Variants in SCRT2 observed in about 807,000 individuals in gnomAD.
SCRT2 encodes the protein scratch family transcriptional repressor 2, also known as transcriptional repressor scratch 2.
In SCRT2, 2 loss-of-function variants were observed where a neutral mutation model predicts 3.7. The ratio of observed to expected loss-of-function variants is 0.54; its 90% CI spans 0.22 to 1.70. SCRT2 has a LOEUF of 1.70. SCRT2 is among the 40% of genes most tolerant of loss of function. The probability of loss-of-function intolerance (pLI) is 0.19; values close to 1 mark genes in which losing one functional copy is unlikely to be tolerated. For synonymous variants in SCRT2, 256 were observed against 220.6 expected, an observed-to-expected ratio of 1.16 and a Z score of -1.42; for missense variants, 456 against 468.5, an observed-to-expected ratio of 0.97 and a Z score of 0.25.
intron 1 of SCRT2, among the ~76,000 whole-genome samples, chr20:672,153 G>A (rs1018542042): frequency 4.6e-5 from 7 of 152,136 alleles, no homozygotes; most frequent in South Asian, 2.1e-4. Context: ...GGAAAGCAGT[G>A]GAGGAGCAAG....
At chr20:671,417 C>T (rs766607521) in intron 1 of SCRT2, among the ~76,000 whole-genome samples, 2 of 152,180 alleles carry the variant, frequency 1.3e-5, no homozygotes, top group Non-Finnish European at 2.9e-5. Context: ...GGCCAAGTTA[C>T]CAGGGAAAGG....
rs61589065 is a variant in SCRT2, at chr20:675,763, T to TGGC, written c.-165_-163dup. The stretch of plus-strand genomic sequence containing the variant: ...GGCGGCCCCGGCTCGGGCTCGGGCT[T>TGGC]GGCGGCGGCGGCGCGCAGACAGGGG... On this transcript the variant is annotated 5_prime_UTR_variant, in exon 1 of 2. Coordinates refer to ENST00000246104, the MANE Select transcript of SCRT2 (RefSeq NM_033129.4). The surrounding 1 kb of genome is among the most constrained non-coding windows in gnomAD (Gnocchi z 6.9). The TGGC allele has an allele frequency of 0.23, 60,095 of 262,758 alleles. 8,772 individuals carry two copies. The highest frequency in any genetic ancestry group is 0.5 in the South Asian group (3,339 of 6,638). The allele number at this position is 262,758 out of a possible 1,614,324, so 16.3% of individuals were successfully genotyped here. A position where few individuals can be genotyped will look rare whatever the true frequency, so the allele number is the denominator to read the frequency against.
chr20:674,417 A>ATTT (rs1984451335), intron 1 of SCRT2, among the ~76,000 whole-genome samples: 1 of 138,540 alleles, frequency 7.2e-6, no homozygotes, highest in Non-Finnish European at 1.6e-5. Context: ...ACACACACAC[A>ATTT]CACACACACA....
intron 1 of SCRT2, among the ~76,000 whole-genome samples, chr20:673,813 A>C (rs1451669294): frequency 6.6e-6 from 1 of 152,202 alleles, no homozygotes; most frequent in East Asian, 1.9e-4. Context: ...GACAGGACCA[A>C]CGGGGCTTCA....
Position 664,587 on chromosome 20 carries a change from C to T in SCRT2, c.134-126G>A. ...GTGGCAGCTCCGACAGTGGTGGTCT[C>T]CGACCTGCACCTCAGCTCTTCCTGT... On this transcript the variant is annotated intron_variant, in intron 1 of 1. Coordinates refer to ENST00000246104, the MANE Select transcript of SCRT2 (RefSeq NM_033129.4). The surrounding 1 kb of genome is among the most constrained non-coding windows in gnomAD (Gnocchi z 7.9). 1 of 568,276 alleles carries T rather than the reference C, an allele frequency of 1.8e-6. No homozygotes were observed. The highest frequency in any genetic ancestry group is 2.6e-6 in the Non-Finnish European group (1 of 380,688). 35.2% of individuals were successfully genotyped at this position (568,276 alleles called of 1,614,324 possible). A position where few individuals can be genotyped will look rare whatever the true frequency, so the allele number is the denominator to read the frequency against.
In SCRT2 at chr20:675,494, G is replaced by A. The variant is rs1984503991; in HGVS notation, c.108C>T (p.Gly36=). The stretch of plus-strand genomic sequence containing the variant: ...CGTTGTCCCCGGGAGGCCCCCGGGC[G>A]CCAGGCAGCACGTAGGCTGTCTCCA... ...HPLETAYVLP[G]ARGPPGDNGY... The change falls in exon 1 of 2, where the codon GGC becomes GGT. Residue 36 remains glycine (G), a synonymous_variant. Transcript: ENST00000246104. This position sits in a 1 kb window ranked among gnomAD's most constrained non-coding sequence, Gnocchi z 6.9. 1.5e-6 allele frequency: 2 copies of A among 1,368,610 alleles called. No individual in the cohort carries two copies. The highest frequency in any genetic ancestry group is 4.0e-5 in the South Asian group (2 of 49,772). The allele number at this position is 1,368,610 out of a possible 1,614,324, so 84.8% of individuals were successfully genotyped here.
intron 1 of SCRT2, among the ~76,000 whole-genome samples, chr20:669,517 T>C (rs1984264483): frequency 6.6e-6 from 1 of 152,180 alleles, no homozygotes; most frequent in African/African-American, 2.4e-5. Flanking sequence ...GCCTCACCTC[T>C]CTGTCCTAAA....
Position 661,666 on chromosome 20 carries a change from T to A in SCRT2, c.*2005A>T, listed in dbSNP as rs1038740197. 6.6e-6 allele frequency: 1 copy of A among 152,512 alleles called. No individual in the cohort carries two copies. The highest frequency in any genetic ancestry group is 1.5e-5 in the Non-Finnish European group (1 of 68,042). 9.4% of individuals were successfully genotyped at this position (152,512 alleles called of 1,614,324 possible). A position where few individuals can be genotyped will look rare whatever the true frequency, so the allele number is the denominator to read the frequency against. On this transcript the variant is annotated 3_prime_UTR_variant, in exon 2 of 2. Coordinates refer to ENST00000246104, the MANE Select transcript of SCRT2 (RefSeq NM_033129.4). ...AATACTGCTGGAGGTGGGGAAGGGA[T>A]GGGGGTTTGGGGGTGAGTTGGGATA...
rs1013074354 is a variant in SCRT2, at chr20:675,455, C to T, written c.133+14G>A. 3 of 1,311,890 alleles carry T rather than the reference C, an allele frequency of 2.3e-6. No homozygotes were observed. The highest frequency in any genetic ancestry group is 2.9e-6 in the Non-Finnish European group (3 of 1,022,482). The allele number at this position is 1,311,890 out of a possible 1,614,324, so 81.3% of individuals were successfully genotyped here. A position where few individuals can be genotyped will look rare whatever the true frequency, so the allele number is the denominator to read the frequency against. On this transcript the variant is annotated intron_variant, in intron 1 of 1. Coordinates refer to ENST00000246104, the MANE Select transcript of SCRT2 (RefSeq NM_033129.4). The surrounding 1 kb of genome is among the most constrained non-coding windows in gnomAD (Gnocchi z 6.9). ...TCTTCTCCCAACCCCCCGCCCCCGC[C>T]GGGTCCCACTCACCGTTGTCCCCGG... is the stretch of plus-strand genomic sequence containing the variant.
In SCRT2 at chr20:675,447, G is replaced by T. The variant is rs1378165328; in HGVS notation, c.133+22C>A. ...CCCTCGCCTCTTCTCCCAACCCCCC[G>T]CCCCCGCCGGGTCCCACTCACCGTT... On this transcript the variant is annotated intron_variant, in intron 1 of 1. Transcript: ENST00000246104. This position sits in a 1 kb window ranked among gnomAD's most constrained non-coding sequence, Gnocchi z 6.9. 3.9e-6 allele frequency: 5 copies of T among 1,282,400 alleles called. No individual in the cohort carries two copies. The highest frequency in any genetic ancestry group is 5.0e-6 in the Non-Finnish European group (5 of 1,002,524). The allele number at this position is 1,282,400 out of a possible 1,614,324, so 79.4% of individuals were successfully genotyped here.
chr20:664,112 G>A lies in SCRT2; in HGVS notation c.483C>T (p.Gly161=). Residue 161 remains glycine (G), a synonymous_variant, in exon 2 of 2, where the codon GGC becomes GGT. Coordinates refer to ENST00000246104, the MANE Select transcript of SCRT2 (RefSeq NM_033129.4). This position sits in a 1 kb window ranked among gnomAD's most constrained non-coding sequence, Gnocchi z 7.9. The part of the protein sequence containing the change: ...GGHRHACAEC[G]KTYATSSNLS... ...GGTTCGACGACGTGGCGTAGGTCTT[G>A]CCGCACTCGGCGCACGCGTGCCGGT... is the stretch of plus-strand genomic sequence containing the variant. 1 of 1,596,892 alleles carries A rather than the reference G, an allele frequency of 6.3e-7. No homozygotes were observed. The highest frequency in any genetic ancestry group is 8.5e-7 in the Non-Finnish European group (1 of 1,175,158).
rs925073977 is a variant in SCRT2 at position 664,485 on chromosome 20, G to A, written c.134-24C>T. 8.1e-7 allele frequency: 1 copy of A among 1,228,170 alleles called. No homozygotes were observed. The highest frequency in any genetic ancestry group is 3.6e-5 in the South Asian group (1 of 28,134). The allele number at this position is 1,228,170 out of a possible 1,614,324, so 76.1% of individuals were successfully genotyped here. A position where few individuals can be genotyped will look rare whatever the true frequency, so the allele number is the denominator to read the frequency against. On this transcript the variant is annotated intron_variant, in intron 1 of 1. Coordinates refer to ENST00000246104, the MANE Select transcript of SCRT2 (RefSeq NM_033129.4). This position sits in a 1 kb window ranked among gnomAD's most constrained non-coding sequence, Gnocchi z 7.9. ...CCCTGGAGGGGGCGAGAAGTGGAGG[G>A]GCGGTGAGAGGAGGCGCCGAAGAGG...
rs1008536895 is a variant in SCRT2 at position 675,003 on chromosome 20, G to T, written c.133+466C>A. 7.2e-5 allele frequency among the ~76,000 whole-genome samples: 11 copies of T among 152,000 alleles called. No individual in the cohort carries two copies. Among genetic ancestry groups the T allele is most frequent in the Admixed American group, 4.6e-4 (7 of 15,262 alleles). ...GAGCAGGTTTGAAGGGAGGGAGGGCGCCCCCAGCCACCCCCAGGGAACCAA... is the reference window on the plus strand; with the variant it reads ...GAGCAGGTTTGAAGGGAGGGAGGGCTCCCCCAGCCACCCCCAGGGAACCAA... On this transcript the variant is annotated intron_variant, in intron 1 of 1. Transcript: ENST00000246104. This position sits in a 1 kb window ranked among gnomAD's most constrained non-coding sequence, Gnocchi z 6.9.
In SCRT2 at chr20:664,455, G is replaced by T; in HGVS notation, c.140C>A (p.Ala47Asp). 1 of 1,265,598 alleles carries T rather than the reference G, an allele frequency of 7.9e-7. No homozygotes were observed. Among genetic ancestry groups the T allele is most frequent in the East Asian group, 3.1e-5 (1 of 32,260 alleles). The allele number at this position is 1,265,598 out of a possible 1,614,324, so 78.4% of individuals were successfully genotyped here. ...ARGPPGDNGY[A>D]PHRLPPSSYD... ...GCTGCTCGGGGGCAGGCGGTGCGGG[G>T]CGTACCCTGGAGGGGGCGAGAAGTG... Residue 47 changes from alanine (A) to aspartate (D), a missense_variant, in exon 2 of 2, where the codon GCC becomes GAC. Transcript: ENST00000246104. The surrounding 1 kb of genome is among the most constrained non-coding windows in gnomAD (Gnocchi z 7.9).
rs1446226131 is a variant in SCRT2 at position 663,930 on chromosome 20, G to C, written c.665C>G (p.Ser222Trp). 1 of 1,608,584 alleles carries C rather than the reference G, an allele frequency of 6.2e-7. No individual in the cohort carries two copies. The highest frequency in any genetic ancestry group is 1.7e-5 in the Admixed American group (1 of 59,890). Residue 222 changes from serine to tryptophan, a missense_variant, in exon 2 of 2, where the codon TCG (serine) becomes TGG (tryptophan). Physicochemically the swap from Ser to Trp is radical, Grantham distance 177 (BLOSUM62 -3). Coordinates refer to ENST00000246104, the MANE Select transcript of SCRT2 (RefSeq NM_033129.4). This position sits in a 1 kb window ranked among gnomAD's most constrained non-coding sequence, Gnocchi z 6.9. ...HKCGVCGKAF[S>W]RPWLLQGHMR... ...GTGACCCTGCAGCAGCCAGGGCCGC[G>C]AGAAGGCCTTGCCGCAGACGCCGCA...
rs527435814 is a variant in SCRT2, at chr20:666,176, G to A, written c.134-1715C>T. Among the ~76,000 whole-genome samples the A allele has an allele frequency of 7.9e-5, 12 of 152,258 alleles. No individual in the cohort carries two copies. The highest frequency in any genetic ancestry group is 2.9e-4 in the African/African-American group (12 of 41,548). ...GAAGCGGGGGGCTCTGTGGTTGGATGTAAAGGGGGATAGTGATAGTGGCAA... is the reference window on the plus strand; with the variant it reads ...GAAGCGGGGGGCTCTGTGGTTGGATATAAAGGGGGATAGTGATAGTGGCAA... On this transcript the variant is annotated intron_variant, in intron 1 of 1. Transcript: ENST00000246104. The surrounding 1 kb of genome is among the most constrained non-coding windows in gnomAD (Gnocchi z 4.4).
In SCRT2 at chr20:664,589, G is replaced by GACCTGC. The variant is rs1280948499; in HGVS notation, c.134-134_134-129dup. On this transcript the variant is annotated intron_variant, in intron 1 of 1. Transcript: ENST00000246104. This position sits in a 1 kb window ranked among gnomAD's most constrained non-coding sequence, Gnocchi z 7.9. ...GGCAGCTCCGACAGTGGTGGTCTCCGACCTGCACCTCAGCTCTTCCTGTCA... is the reference window on the plus strand; with the variant it reads ...GGCAGCTCCGACAGTGGTGGTCTCCGACCTGCACCTGCACCTCAGCTCTTCCTGTCA... 5.3e-6 allele frequency: 3 copies of GACCTGC among 571,002 alleles called. No homozygotes were observed. The highest frequency in any genetic ancestry group is 1.9e-5 in the African/African-American group (1 of 51,866). The allele number at this position is 571,002 out of a possible 1,614,324, so 35.4% of individuals were successfully genotyped here. A position where few individuals can be genotyped will look rare whatever the true frequency, so the allele number is the denominator to read the frequency against.
chr20:664,437 G>C lies in SCRT2; in HGVS notation c.158C>G (p.Pro53Arg), dbSNP rs746037825. The C allele has an allele frequency of 7.8e-5, 100 of 1,288,912 alleles. 2 individuals carry two copies. The South Asian group carries it at 1.8e-3, about 23-fold the overall frequency. 79.8% of individuals were successfully genotyped at this position (1,288,912 alleles called of 1,614,324 possible). The change falls in exon 2 of 2, where the codon CCG becomes CGG. Residue 53 changes from proline to arginine, a missense_variant. Around this residue, in one of 3 missense-constraint regions of SCRT2, gnomAD observed 306 missense variants for 305.3 expected, o/e 1.00. Transcript: ENST00000246104. This position sits in a 1 kb window ranked among gnomAD's most constrained non-coding sequence, Gnocchi z 7.9. ...DNGYAPHRLP[P>R]SSYDADQKPG... Reference sequence around the variant, plus strand: ...CTTCTGGTCCGCATCGTAGCTGCTCGGGGGCAGGCGGTGCGGGGCGTACCC... The same window carrying C: ...CTTCTGGTCCGCATCGTAGCTGCTCCGGGGCAGGCGGTGCGGGGCGTACCC...
intron 1 of SCRT2, among the ~76,000 whole-genome samples, chr20:668,562 C>A (rs1984230050): frequency 6.6e-6 from 1 of 152,156 alleles, no homozygotes; most frequent in Admixed American, 6.5e-5. Context: ...AGTCGCATAA[C>A]TTATCTGGGC....
Sources: gnomAD v4.1 joint callset for allele counts (sites outside exome capture counted in the v4.1 genomes callset) on GRCh38, gnomAD v4.1.1 for gene constraint, gnomAD v4.1.1 regional missense constraint, Gnocchi (gnomAD v3.1) non-coding constraint, MANE v1.5 for transcripts, NCBI Gene and HGNC (gene_info 2026-07-23, HGNC 2026-07-21) for gene names.